PTPRG: variants seen among roughly 807,000 people sequenced by gnomAD.
PTPRG encodes protein tyrosine phosphatase receptor type G, also known as receptor-type tyrosine-protein phosphatase gamma.
A neutral mutation model predicts 165.3 loss-of-function variants in PTPRG; 102 were observed. The ratio of observed to expected loss-of-function variants is 0.62; its 90% CI spans 0.53 to 0.73. The LOEUF is 0.73. PTPRG is among the 30% of genes least tolerant of loss of function. The probability of loss-of-function intolerance (pLI) is 0.00; values close to 1 mark genes in which losing one functional copy is unlikely to be tolerated. For missense variants in PTPRG, 1,866 were observed against 1,861.4 expected, an observed-to-expected ratio of 1.00 and a Z score of -0.05; for synonymous variants, 675 against 669.5, an observed-to-expected ratio of 1.01 and a Z score of -0.13.
In PTPRG at chr3:62,255,188, C is replaced by G. The variant is rs570891194; in HGVS notation, c.2532C>G (p.Asn844Lys). ...VKHIGELYSN[N>K]QHGFSEDFEE... ...ACATCGGTGAGCTCTATTCTAATAA[C>G]CAGCATGGGTTCTCTGAGGATTTTG... The change falls in exon 16 of 30, where the codon AAC becomes AAG. Residue 844 changes from asparagine (N) to lysine (K), a missense_variant. Asn to Lys is a moderately conservative substitution (Grantham distance 94, BLOSUM62 0). Coordinates refer to ENST00000474889, the MANE Select transcript of PTPRG (RefSeq NM_002841.4). The surrounding 1 kb of genome is among the most constrained non-coding windows in gnomAD (Gnocchi z 4.0). 8.2e-5 allele frequency: 132 copies of G among 1,612,798 alleles called. 2 individuals are homozygous for G. In the South Asian group the frequency reaches 1.4e-3, roughly 17 times the overall value.
intron 4 of PTPRG, among the ~76,000 whole-genome samples, chr3:62,050,547 G>C (rs920122518): frequency 1.3e-5 from 2 of 152,230 alleles, no homozygotes; most frequent in Non-Finnish European, 1.5e-5. Flanking sequence ...AGTTGCTTGA[G>C]AGATGGCCGA....
intron 1 of PTPRG, among the ~76,000 whole-genome samples, chr3:61,698,396 A>G (rs1480221930): frequency 6.6e-6 from 1 of 152,164 alleles, no homozygotes; most frequent in African/African-American, 2.4e-5. Flanking sequence ...AGGCAAGCAG[A>G]CATAGATAAT....
intron 4 of PTPRG, among the ~76,000 whole-genome samples, chr3:62,073,304 A>T (rs1701270174): frequency 6.6e-6 from 1 of 152,236 alleles, no homozygotes; most frequent in African/African-American, 2.4e-5. Flanking sequence ...CAGGATATTT[A>T]TCTCATGCCA....
intron 6 of PTPRG, among the ~76,000 whole-genome samples, chr3:62,139,150 A>G (rs1234643357): frequency 2.0e-5 from 3 of 152,116 alleles, no homozygotes; most frequent in African/African-American, 7.2e-5. Context: ...TTCAGAGGAA[A>G]TGTGAGGGGG....
rs570770079 is a variant in PTPRG at position 62,197,685 on chromosome 3, A to G, written c.1327+2515A>G. Among the ~76,000 whole-genome samples, 11 of 152,318 alleles carry G rather than the reference A, an allele frequency of 7.2e-5. 1 individual carries two copies. Among genetic ancestry groups the G allele is most frequent in the African/African-American group, 2.2e-4 (9 of 41,568 alleles). ...TTAAGGCCTCCTATGTGCTCCATCC[A>G]AGAGCCTAGAATCTGCAGAACTGCC... On this transcript the variant is annotated intron_variant, in intron 10 of 29. Coordinates refer to ENST00000474889, the MANE Select transcript of PTPRG (RefSeq NM_002841.4).
At chr3:62,277,372 T>C (rs2291540) in intron 25 of PTPRG, among the ~76,000 whole-genome samples, 179 bp from the exon 26 acceptor site, 24,388 of 152,076 alleles carry the variant, frequency 0.16, 2,605 homozygotes, top group African/African-American at 0.3. Flanking sequence ...GGAGAGAAAA[T>C]TGTCTGCACA....
intron 1 of PTPRG, among the ~76,000 whole-genome samples, chr3:61,591,789 A>C (rs1700575600): frequency 6.6e-6 from 1 of 152,168 alleles, no homozygotes; most frequent in Admixed American, 6.5e-5. Context: ...GTAGATGGTG[A>C]CAAGGGCTTT....
intron 2 of PTPRG, among the ~76,000 whole-genome samples, chr3:61,840,947 A>G (rs2036614266): frequency 6.6e-6 from 1 of 151,856 alleles, no homozygotes; most frequent in Non-Finnish European, 1.5e-5. Context: ...ATGCCTGGCT[A>G]ATTTTTGTAT....
intron 4 of PTPRG, among the ~76,000 whole-genome samples, chr3:62,020,754 T>A (rs2041669812): frequency 6.6e-6 from 1 of 152,010 alleles, no homozygotes; most frequent in Non-Finnish European, 1.5e-5. Flanking sequence ...TTGCTCTGTC[T>A]CCCAGGCTGG....
chr3:61,898,407 C>T (rs1205367547), intron 2 of PTPRG, among the ~76,000 whole-genome samples: 2 of 152,140 alleles, frequency 1.3e-5, no homozygotes, highest in East Asian at 3.9e-4. Flanking sequence ...ATTGTTTGCC[C>T]TTATGCTGCT....
intron 8 of PTPRG, among the ~76,000 whole-genome samples, chr3:62,181,154 A>G (rs1705630347): frequency 6.6e-6 from 1 of 152,186 alleles, no homozygotes; most frequent in South Asian, 2.1e-4. Context: ...GACACCATGG[A>G]TTTAAAACTT....
chr3:61,707,417 T>G (rs768872508), intron 1 of PTPRG, among the ~76,000 whole-genome samples: 86 of 152,284 alleles, frequency 5.6e-4, no homozygotes, highest in Non-Finnish European at 4.7e-4. Context: ...ATGGTGTAGA[T>G]CTAGTTCAAG....
At chr3:61,728,123 G>A (rs2032337077) in intron 1 of PTPRG, among the ~76,000 whole-genome samples, 1 of 152,184 alleles carries the variant, frequency 6.6e-6, no homozygotes, top group Admixed American at 6.5e-5. Flanking sequence ...TGGCAAAGAG[G>A]AACAGTCTGT....
chr3:62,089,570 T>G (rs1418311190), intron 5 of PTPRG, among the ~76,000 whole-genome samples: 1 of 152,224 alleles, frequency 6.6e-6, no homozygotes, highest in Non-Finnish European at 1.5e-5. Context: ...GACACAGTAG[T>G]TGGTGCTCAT....
At chr3:61,609,750 T>C (rs930468290) in intron 1 of PTPRG, among the ~76,000 whole-genome samples, 2 of 152,052 alleles carry the variant, frequency 1.3e-5, no homozygotes, top group Non-Finnish European at 2.9e-5. Context: ...TCCTAGCTAC[T>C]TGGGAGGCCA....
chr3:61,828,779 TTGTG>T (rs1219200194), intron 2 of PTPRG, among the ~76,000 whole-genome samples: 1 of 152,194 alleles, frequency 6.6e-6, no homozygotes, highest in Non-Finnish European at 1.5e-5. Flanking sequence ...TGACAGCAGC[TTGTG>T]TGAAGGCACA....
chr3:61,893,302 C>T (rs1419481572), intron 2 of PTPRG, among the ~76,000 whole-genome samples: 1 of 152,170 alleles, frequency 6.6e-6, no homozygotes, highest in Non-Finnish European at 1.5e-5. Context: ...TTTTTGAAAT[C>T]CCAATTCCTT....
At chr3:61,757,376 A>G (rs997558066) in intron 2 of PTPRG, among the ~76,000 whole-genome samples, 36 of 152,196 alleles carry the variant, frequency 2.4e-4, no homozygotes, top group Admixed American at 5.2e-4. Flanking sequence ...TAGATGGCTA[A>G]ATGGTATCAA....
intron 5 of PTPRG, among the ~76,000 whole-genome samples, chr3:62,090,144 A>G (rs1290468710): frequency 6.6e-6 from 1 of 152,188 alleles, no homozygotes; most frequent in Non-Finnish European, 1.5e-5. Flanking sequence ...TGCATATGAA[A>G]CAATACTCAA....
Sources: gnomAD v4.1 joint callset for allele counts (sites outside exome capture counted in the v4.1 genomes callset) on GRCh38, gnomAD v4.1.1 for gene constraint, Gnocchi (gnomAD v3.1) non-coding constraint, MANE v1.5 for transcripts, NCBI Gene and HGNC (gene_info 2026-07-23, HGNC 2026-07-21) for gene names.